The following ESRRG variants were observed in gnomAD, a reference collection of about 807,000 sequenced individuals.
The protein encoded by ESRRG is estrogen related receptor gamma, also known as estrogen-related receptor gamma.
Under a neutral mutation model 44.0 loss-of-function variants are expected in ESRRG, and 13 were observed. The observed-to-expected ratio is 0.30, with a 90% CI of 0.19 to 0.47. The LOEUF (loss-of-function observed/expected upper bound fraction) is 0.47. Ranked by LOEUF, ESRRG falls within the 20% of genes least tolerant of loss-of-function variation. The pLI is 1.00. For synonymous variants in ESRRG, 215 were observed against 214.6 expected (o/e 1.00, Z -0.02); for missense variants, 395 against 580.6 (o/e 0.68, Z 3.29).
At chr1:216,922,647 G>A (rs548293602) in intron 2 of ESRRG, among the ~76,000 whole-genome samples, 60 of 152,236 alleles carry the variant, frequency 3.9e-4, no homozygotes, top group Non-Finnish European at 6.3e-4. Flanking sequence ...CCCCGAGTCC[G>A]AAGGAAGATG....
chr1:216,561,585 A>G (rs902088033), intron 5 of ESRRG, among the ~76,000 whole-genome samples: 2 of 152,084 alleles, frequency 1.3e-5, no homozygotes, highest in South Asian at 4.2e-4. Flanking sequence ...CTCAGTCCAT[A>G]TAGCTGTAGT....
chr1:217,062,150 C>T (rs79830348), intron 1 of ESRRG, among the ~76,000 whole-genome samples: 86 of 152,236 alleles, frequency 5.6e-4, no homozygotes, highest in African/African-American at 2.0e-3. Flanking sequence ...AAAATGGATT[C>T]CCGAGACACC....
At chr1:217,026,912 C>CACACACAGAGAGAGAGAGAGAG (rs1255637839) in intron 1 of ESRRG, among the ~76,000 whole-genome samples, 6 of 93,468 alleles carry the variant, frequency 6.4e-5, no homozygotes, top group South Asian at 4.1e-4. Context: ...CACACACACA[C>CACACACAGAGAGAGAGAGAGAG]AGAGAGAGAG....
intron 1 of ESRRG, among the ~76,000 whole-genome samples, chr1:217,044,968 G>A (rs973262475): frequency 6.6e-6 from 1 of 152,056 alleles, no homozygotes; most frequent in Admixed American, 6.6e-5. Context: ...TTCCTTTAAT[G>A]TTATCCTCAG....
intron 5 of ESRRG, among the ~76,000 whole-genome samples, chr1:216,546,633 T>C (rs73106566): frequency 0.014 from 2,188 of 152,050 alleles, 61 homozygotes; most frequent in African/African-American, 0.05. Flanking sequence ...ATCAGATGTA[T>C]CAATGAAATC....
At chr1:216,958,297 A>G (rs1350924662) in intron 1 of ESRRG, among the ~76,000 whole-genome samples, 1 of 152,114 alleles carries the variant, frequency 6.6e-6, no homozygotes, top group East Asian at 1.9e-4. Context: ...AACACCTGAG[A>G]GTAGAATTGC....
intron 2 of ESRRG, among the ~76,000 whole-genome samples, chr1:216,664,454 A>C (rs1288284385): frequency 6.7e-6 from 1 of 150,126 alleles, no homozygotes. Context: ...AAACTAATAT[A>C]TTTATTATTA....
chr1:216,900,978 T>C (rs1203892093), intron 2 of ESRRG, among the ~76,000 whole-genome samples: 1 of 152,188 alleles, frequency 6.6e-6, no homozygotes, highest in Admixed American at 6.5e-5. Flanking sequence ...TCTCACTTGC[T>C]AGCTCCCAGC....
intron 2 of ESRRG, among the ~76,000 whole-genome samples, chr1:216,834,770 C>T (rs1375446572): frequency 6.6e-6 from 1 of 152,020 alleles, no homozygotes; most frequent in Non-Finnish European, 1.5e-5. Context: ...AATTTGAAAA[C>T]AAAATGTTGT....
chr1:216,950,416 T>G (rs1165675610), intron 1 of ESRRG, among the ~76,000 whole-genome samples: 2 of 151,834 alleles, frequency 1.3e-5, no homozygotes, highest in African/African-American at 4.8e-5. Flanking sequence ...TAAGAAAGAG[T>G]TTTTTCGTTG....
intron 1 of ESRRG, among the ~76,000 whole-genome samples, chr1:217,109,880 T>G (rs2092641725): frequency 6.6e-6 from 1 of 152,200 alleles, no homozygotes; most frequent in South Asian, 2.1e-4. Flanking sequence ...GTTAGTGAAT[T>G]CTAAAAGGTT....
intron 1 of ESRRG, among the ~76,000 whole-genome samples, chr1:217,028,069 G>A (rs1157035789): frequency 6.6e-6 from 1 of 152,056 alleles, no homozygotes; most frequent in Non-Finnish European, 1.5e-5. Context: ...ATTTGGCCTT[G>A]CATTTCCCTC....
At chr1:216,712,477 T>C (rs2083831373) in intron 1 of ESRRG, among the ~76,000 whole-genome samples, 1 of 152,174 alleles carries the variant, frequency 6.6e-6, no homozygotes, top group African/African-American at 2.4e-5. Context: ...AAATGATATT[T>C]AGTGTTTTGC....
chr1:216,886,198 T>C (rs1344307568), intron 2 of ESRRG, among the ~76,000 whole-genome samples: 1 of 152,140 alleles, frequency 6.6e-6, no homozygotes, highest in African/African-American at 2.4e-5. Flanking sequence ...ACCTGAACTA[T>C]ATGCATCCAC....
At chr1:216,811,632 A>C (rs1314961673) in intron 2 of ESRRG, among the ~76,000 whole-genome samples, 2 of 152,208 alleles carry the variant, frequency 1.3e-5, no homozygotes, top group Non-Finnish European at 2.9e-5. Context: ...TTTACTATTA[A>C]GTCAGCAGAA....
chr1:216,759,172 A>G (rs2092631576), intron 2 of ESRRG, among the ~76,000 whole-genome samples: 1 of 152,094 alleles, frequency 6.6e-6, no homozygotes. Context: ...AAGTTTTTGT[A>G]CCTCTGCCAG....
At chr1:216,833,813 G>A (rs2095522420) in intron 2 of ESRRG, among the ~76,000 whole-genome samples, 1 of 152,152 alleles carries the variant, frequency 6.6e-6, no homozygotes. Context: ...CCCATGCATA[G>A]CTCCATAGAA....
At chr1:216,899,047 A>G (rs925446386) in intron 2 of ESRRG, among the ~76,000 whole-genome samples, 3 of 152,158 alleles carry the variant, frequency 2.0e-5, no homozygotes, top group Admixed American at 2.0e-4. Context: ...AACATCTCCT[A>G]AGGGTCTCAG....
intron 2 of ESRRG, among the ~76,000 whole-genome samples, chr1:216,935,750 G>T (rs1211009935): frequency 6.6e-6 from 1 of 151,962 alleles, no homozygotes; most frequent in African/African-American, 2.4e-5. Flanking sequence ...CCGAGTAGCT[G>T]GGATTACAGG....
Sources: allele counts gnomAD v4.1 joint callset (sites outside exome capture counted in the v4.1 genomes callset), GRCh38; gene constraint gnomAD v4.1.1; transcripts MANE v1.5; gene names NCBI Gene and HGNC (gene_info 2026-07-23, HGNC 2026-07-21).